Variants in LRBA observed in about 807,000 individuals in gnomAD.
LRBA encodes lipopolysaccharide-responsive and beige-like anchor protein.
In LRBA, 176 loss-of-function variants were observed where a neutral mutation model predicts 330.0. The observed-to-expected ratio is 0.53, with a 90% CI of 0.47 to 0.60. The LOEUF (loss-of-function observed/expected upper bound fraction) is 0.60, where lower values mean the gene tolerates loss of function less well. Among genes scored for constraint, LRBA ranks in the 20% least tolerant of loss-of-function variants. LRBA has a pLI of 0.00. For missense variants in LRBA, 3,259 were observed against 3,444.8 expected (o/e 0.95, Z 1.35); for synonymous variants, 1,230 against 1,193.0 (o/e 1.03, Z -0.64).
At chr4:150,712,158 T>C (rs988070091) in intron 36 of LRBA, among the ~76,000 whole-genome samples, 1 of 152,230 alleles carries the variant, frequency 6.6e-6, no homozygotes, top group Non-Finnish European at 1.5e-5. Flanking sequence ...TTGTCTTTTC[T>C]TCATCTGTAA....
intron 2 of LRBA, among the ~76,000 whole-genome samples, chr4:150,985,806 C>T (rs1049597534): frequency 5.9e-5 from 9 of 151,900 alleles, no homozygotes; most frequent in African/African-American, 1.7e-4. Flanking sequence ...TTGAATTGCA[C>T]GTTTTTAATG....
At chr4:150,948,852 T>C (rs1736511547) in intron 2 of LRBA, among the ~76,000 whole-genome samples, 1 of 151,798 alleles carries the variant, frequency 6.6e-6, no homozygotes, top group African/African-American at 2.4e-5. Flanking sequence ...TCTAACATCA[T>C]TAGGCATTAA....
intron 37 of LRBA, among the ~76,000 whole-genome samples, chr4:150,644,884 G>A (rs1043953705): frequency 7.3e-5 from 11 of 151,706 alleles, no homozygotes; most frequent in Admixed American, 6.6e-5. Flanking sequence ...GAAAATATAC[G>A]GTATTTAAAG....
At chr4:150,372,929 C>T (rs1167995907) in intron 47 of LRBA, among the ~76,000 whole-genome samples, 3 of 151,758 alleles carry the variant, frequency 2.0e-5, no homozygotes, top group Non-Finnish European at 4.4e-5. Context: ...TTCCCTCCTC[C>T]TCTCTTTTGA....
At chr4:150,802,698 ACTTTTAG>A (rs969335714) in intron 33 of LRBA, among the ~76,000 whole-genome samples, 16 of 152,078 alleles carry the variant, frequency 1.1e-4, no homozygotes, top group African/African-American at 3.9e-4. Context: ...ATCTAATTTA[ACTTTTAG>A]CTTTAACTTC....
chr4:150,503,955 C>T (rs1254841772), intron 40 of LRBA, among the ~76,000 whole-genome samples: 8 of 152,136 alleles, frequency 5.3e-5, no homozygotes, highest in African/African-American at 2.4e-5. Flanking sequence ...GCACAAGCCT[C>T]AGTAGCCGAT....
At chr4:150,964,324 T>C (rs960311784) in intron 2 of LRBA, among the ~76,000 whole-genome samples, 1 of 149,584 alleles carries the variant, frequency 6.7e-6, no homozygotes, top group Non-Finnish European at 1.5e-5. Context: ...CTGGGAGGTG[T>C]ACCCAACAGC....
At chr4:150,429,389 G>A (rs1750071657) in intron 46 of LRBA, among the ~76,000 whole-genome samples, 1 of 152,068 alleles carries the variant, frequency 6.6e-6, no homozygotes, top group Admixed American at 6.6e-5. Flanking sequence ...AGTGAACGGG[G>A]TGGCAAACAG....
At position 150,388,638 on chromosome 4, in the gene LRBA, GAT is replaced by G. The variant is rs1364989551; in HGVS notation, c.7194+26798_7194+26799del. 2.6e-5 allele frequency among the ~76,000 whole-genome samples: 4 copies of G among 152,262 alleles called. No homozygotes were observed. The East Asian group carries it at 7.7e-4, about 29-fold the overall frequency. On this transcript the variant is annotated intron_variant, in intron 47 of 56. Transcript: ENST00000651943. ...CTAAATAGAAGAAGTAGGAAATTGTGATATAATTTTTTAAAAGCCTGTTGGGA... is the reference window on the plus strand; with the variant it reads ...CTAAATAGAAGAAGTAGGAAATTGTGATAATTTTTTAAAAGCCTGTTGGGA...
intron 40 of LRBA, among the ~76,000 whole-genome samples, chr4:150,516,170 T>TA (rs1762318036): frequency 6.6e-6 from 1 of 150,626 alleles, no homozygotes; most frequent in Non-Finnish European, 1.5e-5. Flanking sequence ...CAAATATATA[T>TA]TTTTTTAAAA....
intron 22 of LRBA, among the ~76,000 whole-genome samples, chr4:150,859,488 T>C (rs898646339): frequency 9.9e-5 from 15 of 151,376 alleles, no homozygotes; most frequent in Admixed American, 5.9e-4. Flanking sequence ...CAAAAAAAAA[T>C]GAAAACCTAG....
chr4:150,495,312 T>C (rs1759460483), intron 40 of LRBA, among the ~76,000 whole-genome samples: 1 of 152,168 alleles, frequency 6.6e-6, no homozygotes, highest in African/African-American at 2.4e-5. Flanking sequence ...AATGGTATCA[T>C]ACTGAATGTA....
intron 36 of LRBA, among the ~76,000 whole-genome samples, chr4:150,699,941 C>T (rs1183953309): frequency 6.6e-6 from 1 of 152,082 alleles, no homozygotes; most frequent in African/African-American, 2.4e-5. Context: ...TCCAAAAATT[C>T]AAAATTCAAA....
At chr4:150,701,263 C>A (rs903993459) in intron 36 of LRBA, among the ~76,000 whole-genome samples, 1 of 152,064 alleles carries the variant, frequency 6.6e-6, no homozygotes, top group Non-Finnish European at 1.5e-5. Context: ...TTCTGGAATA[C>A]CTCTTGAAAG....
At chr4:150,949,345 G>T (rs1479734281) in intron 2 of LRBA, among the ~76,000 whole-genome samples, 1 of 152,064 alleles carries the variant, frequency 6.6e-6, no homozygotes, top group East Asian at 1.9e-4. Flanking sequence ...AGTTCGTACA[G>T]TCTTCTGGAG....
rs1783210271 is a variant in LRBA, at chr4:150,683,267, T to TA, written c.5921+283dup. ...CCTTAAGAATTCATTTCAAAAGGAGTAAGTAGATAAAGCAAATATGATTTT... is the reference window on the plus strand; with the variant it reads ...CCTTAAGAATTCATTTCAAAAGGAGTAAAGTAGATAAAGCAAATATGATTTT... On this transcript the variant is annotated intron_variant, in intron 37 of 56. Coordinates refer to ENST00000651943, the MANE Select transcript of LRBA (RefSeq NM_001364905.1). Among the ~76,000 whole-genome samples the TA allele has an allele frequency of 3.9e-5, 6 of 152,116 alleles. No individual in the cohort carries two copies. In the South Asian group the frequency reaches 1.2e-3, roughly 32 times the overall value.
intron 2 of LRBA, among the ~76,000 whole-genome samples, chr4:150,997,082 G>A (rs1379952888): frequency 6.6e-6 from 1 of 151,754 alleles, no homozygotes; most frequent in Non-Finnish European, 1.5e-5. Flanking sequence ...GATACATGTG[G>A]CATTAATTTC....
At chr4:150,339,483 T>C (rs1374330642) in intron 48 of LRBA, among the ~76,000 whole-genome samples, 2 of 152,160 alleles carry the variant, frequency 1.3e-5, no homozygotes, top group Non-Finnish European at 1.5e-5. Flanking sequence ...AAGCAGATTC[T>C]TTCCCCCTGA....
rs535534950 is a variant in LRBA at position 150,380,756 on chromosome 4, A to G, written c.7195-30597T>C. On this transcript the variant is annotated intron_variant, in intron 47 of 56. Coordinates refer to ENST00000651943, the MANE Select transcript of LRBA (RefSeq NM_001364905.1). ...TTTAGGAGGCTGAGGAGGGTGGATT[A>G]CCTGAGATCAGGAGTTCAAGACCAG... 1.1e-4 allele frequency among the ~76,000 whole-genome samples: 17 copies of G among 152,038 alleles called. No homozygotes were observed. The East Asian group carries it at 3.1e-3, about 28-fold the overall frequency.
Sources: allele counts gnomAD v4.1 joint callset (sites outside exome capture counted in the v4.1 genomes callset), GRCh38; gene constraint gnomAD v4.1.1; transcripts MANE v1.5; gene names NCBI Gene and HGNC (gene_info 2026-07-23, HGNC 2026-07-21).